ANKS1B: variants seen among roughly 807,000 people sequenced by gnomAD.
The protein encoded by ANKS1B is ankyrin repeat and sterile alpha motif domain containing 1B.
Under a neutral mutation model 148.3 loss-of-function variants are expected in ANKS1B, and 36 were observed. The observed-to-expected ratio is 0.24, with a 90% CI of 0.19 to 0.32. The LOEUF is 0.32. Among genes scored for constraint, ANKS1B ranks in the 10% least tolerant of loss-of-function variants. ANKS1B has a pLI of 1.00. For missense variants in ANKS1B, 1,157 were observed against 1,542.6 expected, an observed-to-expected ratio of 0.75 and a Z score of 4.19; for synonymous variants, 542 against 560.8, an observed-to-expected ratio of 0.97 and a Z score of 0.47.
chr12:99,005,464 G>T (rs1411378242), intron 17 of ANKS1B, among the ~76,000 whole-genome samples: 1 of 152,186 alleles, frequency 6.6e-6, no homozygotes, highest in Non-Finnish European at 1.5e-5. Context: ...TAGTCATGGG[G>T]TTTTTAAGTG....
chr12:99,442,685 T>C (rs2095569101), intron 11 of ANKS1B, among the ~76,000 whole-genome samples: 1 of 151,962 alleles, frequency 6.6e-6, no homozygotes, highest in South Asian at 2.1e-4. Context: ...TTAAGTGCCA[T>C]TTTATCAATG....
At chr12:99,898,974 T>G (rs2093489108) in intron 1 of ANKS1B, among the ~76,000 whole-genome samples, 4 of 152,206 alleles carry the variant, frequency 2.6e-5, no homozygotes, top group Admixed American at 2.6e-4. Flanking sequence ...CCTCTCATTT[T>G]ATAGGTTAGA....
At chr12:99,627,581 C>T (rs1399613119) in intron 9 of ANKS1B, among the ~76,000 whole-genome samples, 2 of 152,142 alleles carry the variant, frequency 1.3e-5, no homozygotes, top group African/African-American at 4.8e-5. Context: ...ATGCTTTTTA[C>T]ACTATTCCAG....
chr12:98,786,983 A>C (rs531477486), intron 22 of ANKS1B, among the ~76,000 whole-genome samples: 85 of 152,328 alleles, frequency 5.6e-4, no homozygotes, highest in African/African-American at 1.9e-3. Flanking sequence ...CTAGTTAGAT[A>C]TTCAGTCCTG....
At chr12:99,859,935 A>G (rs571204677) in intron 1 of ANKS1B, among the ~76,000 whole-genome samples, 1 of 152,328 alleles carries the variant, frequency 6.6e-6, no homozygotes, top group African/African-American at 2.4e-5. Flanking sequence ...GGCATGGGCC[A>G]CCGCGCCCGG....
chr12:98,846,338 G>GT (rs2099468813), intron 17 of ANKS1B, among the ~76,000 whole-genome samples: 2 of 152,220 alleles, frequency 1.3e-5, no homozygotes, highest in African/African-American at 4.8e-5. Flanking sequence ...AGGTTTCATT[G>GT]TAAAAAAGAA....
chr12:98,980,706 T>G (rs1312267254), intron 17 of ANKS1B, among the ~76,000 whole-genome samples: 3 of 152,182 alleles, frequency 2.0e-5, no homozygotes, highest in African/African-American at 7.2e-5. Context: ...TTAATTTTGG[T>G]TTTGGCAGGA....
intron 17 of ANKS1B, among the ~76,000 whole-genome samples, chr12:99,007,049 T>C (rs1270675149): frequency 1.6e-5 from 2 of 126,220 alleles, no homozygotes; most frequent in Non-Finnish European, 1.7e-5. Context: ...AAAATAGATA[T>C]AATAAAGCAT....
At chr12:98,995,739 A>G (rs2153330629) in intron 17 of ANKS1B, among the ~76,000 whole-genome samples, 1 of 152,374 alleles carries the variant, frequency 6.6e-6, no homozygotes, top group African/African-American at 2.4e-5. Context: ...GCGAGGAACC[A>G]TATAGTTGCC....
chr12:99,946,610 G>A (rs1261787855), intron 1 of ANKS1B, among the ~76,000 whole-genome samples: 2 of 152,070 alleles, frequency 1.3e-5, no homozygotes, highest in African/African-American at 2.4e-5. Flanking sequence ...GAAATTTTGG[G>A]CAATGGATAT....
intron 1 of ANKS1B, among the ~76,000 whole-genome samples, chr12:99,982,948 G>A (rs1358996302): frequency 6.6e-6 from 1 of 152,094 alleles, no homozygotes; most frequent in Non-Finnish European, 1.5e-5. Flanking sequence ...TGCACTGTCT[G>A]ACCACCACAA....
intron 11 of ANKS1B, among the ~76,000 whole-genome samples, chr12:99,428,319 C>T (rs1403264726): frequency 4.6e-5 from 7 of 152,044 alleles, no homozygotes; most frequent in African/African-American, 1.7e-4. Flanking sequence ...GTGTGTGTGC[C>T]ATGCCCTGAG....
chr12:99,780,737 T>C (rs1438606381), intron 5 of ANKS1B, among the ~76,000 whole-genome samples: 1 of 152,226 alleles, frequency 6.6e-6, no homozygotes, highest in Non-Finnish European at 1.5e-5. Context: ...TAAATTATAA[T>C]CATGTACCAT....
At chr12:99,329,318 A>G (rs925534889) in intron 12 of ANKS1B, among the ~76,000 whole-genome samples, 1 of 151,842 alleles carries the variant, frequency 6.6e-6, no homozygotes, top group African/African-American at 2.4e-5. Context: ...ATTCCCTCCC[A>G]TGGATGTTTT....
At chr12:98,756,556 C>CAAAAAA (rs536086383) in intron 25 of ANKS1B, among the ~76,000 whole-genome samples, 1 of 104,562 alleles carries the variant, frequency 9.6e-6, no homozygotes. Context: ...ACTAAAAATA[C>CAAAAAA]AAAAAAAAAA....
intron 1 of ANKS1B, among the ~76,000 whole-genome samples, chr12:99,969,321 G>A (rs1425181678): frequency 6.6e-6 from 1 of 152,018 alleles, no homozygotes; most frequent in African/African-American, 2.4e-5. Context: ...TAGGACTATA[G>A]GTATGCGCTA....
chr12:99,619,812 T>C (rs1005285197), intron 9 of ANKS1B, among the ~76,000 whole-genome samples: 1 of 152,166 alleles, frequency 6.6e-6, no homozygotes, highest in Non-Finnish European at 1.5e-5. Flanking sequence ...TTCTGGGTGC[T>C]TGGAGGCCAC....
At chr12:99,331,894 GA>G (rs2087631968) in intron 12 of ANKS1B, among the ~76,000 whole-genome samples, 1 of 151,952 alleles carries the variant, frequency 6.6e-6, no homozygotes, top group African/African-American at 2.4e-5. Context: ...GGAATGAATA[GA>G]GGGAAAACCT....
intron 14 of ANKS1B, among the ~76,000 whole-genome samples, chr12:99,216,883 G>T (rs1405769538): frequency 6.6e-6 from 1 of 152,212 alleles, no homozygotes; most frequent in Non-Finnish European, 1.5e-5. Context: ...TCAATGGTAT[G>T]TGAGGAGGAA....
Sources: gnomAD v4.1 joint callset for allele counts (sites outside exome capture counted in the v4.1 genomes callset) on GRCh38, gnomAD v4.1.1 for gene constraint, MANE v1.5 for transcripts, NCBI Gene and HGNC (gene_info 2026-07-23, HGNC 2026-07-21) for gene names.